The following NR1H4 variants were observed in gnomAD, a reference collection of about 807,000 sequenced individuals.
NR1H4 encodes the protein bile acid receptor.
Under a neutral mutation model 58.5 loss-of-function variants are expected in NR1H4, and 23 were observed. That is an observed-to-expected ratio of 0.39 (90% CI 0.28 to 0.56). The LOEUF is 0.56. NR1H4 is among the 20% of genes least tolerant of loss of function. NR1H4 has a pLI of 0.58. For synonymous variants in NR1H4, 214 were observed against 198.0 expected (o/e 1.08, Z -0.68); for missense variants, 487 against 576.9 (o/e 0.84, Z 1.60).
intron 9 of NR1H4, among the ~76,000 whole-genome samples, chr12:100,542,220 G>T (rs1410279872): frequency 6.6e-6 from 1 of 152,066 alleles, no homozygotes; most frequent in Non-Finnish European, 1.5e-5. Flanking sequence ...GGTAGTACGT[G>T]CCTGTAATCC....
chr12:100,504,104 G>A (rs925774787), intron 3 of NR1H4, among the ~76,000 whole-genome samples: 2 of 152,096 alleles, frequency 1.3e-5, no homozygotes, highest in Admixed American at 1.3e-4. Flanking sequence ...AATTAATGAA[G>A]TAGTTTCACA....
chr12:100,510,895 A>G lies in NR1H4; in HGVS notation c.197A>G (p.Tyr66Cys), dbSNP rs550267168. Residue 66 changes from tyrosine to cysteine, a missense_variant, in exon 4 of 11, where the codon TAT becomes TGT. By Grantham distance (194) the Tyr-to-Cys change is radical (BLOSUM62 -2). Coordinates refer to ENST00000392986, the MANE Select transcript of NR1H4 (RefSeq NM_001206979.2). Reference protein sequence around the residue: ...QVQPQISSSSYYSNLGFYPQQ... With the variant: ...QVQPQISSSSCYSNLGFYPQQ... The stretch of plus-strand genomic sequence containing the variant: ...CAACCACAGATTTCCTCGTCATCCT[A>G]TTATTCCAACCTGGGTTTCTACCCC... 1 of 1,614,152 alleles carries G rather than the reference A, an allele frequency of 6.2e-7. No homozygotes were observed. The highest frequency in any genetic ancestry group is 8.5e-7 in the Non-Finnish European group (1 of 1,180,032).
At chr12:100,555,659 CTA>C (rs1955306319) in intron 9 of NR1H4, among the ~76,000 whole-genome samples, 1 of 152,148 alleles carries the variant, frequency 6.6e-6, no homozygotes, top group Non-Finnish European at 1.5e-5. Context: ...TAAGCACTCT[CTA>C]TATATCTCAT....
At chr12:100,481,469 C>T (rs576603810) in intron 1 of NR1H4, among the ~76,000 whole-genome samples, 12 of 152,118 alleles carry the variant, frequency 7.9e-5, no homozygotes, top group Non-Finnish European at 1.8e-4. Flanking sequence ...GGGAAATTCG[C>T]GAGATTAATT....
intron 9 of NR1H4, among the ~76,000 whole-genome samples, chr12:100,558,107 T>C (rs186928737): frequency 2.7e-5 from 4 of 150,388 alleles, no homozygotes; most frequent in African/African-American, 9.8e-5. Context: ...ACGCCTATAA[T>C]CCCAGCACTT....
intron 3 of NR1H4, among the ~76,000 whole-genome samples, chr12:100,506,002 A>AACACACACACACACACAC (rs398020830): frequency 7.1e-6 from 1 of 141,028 alleles, no homozygotes; most frequent in Admixed American, 7.2e-5. Context: ...AAGTGTTTAT[A>AACACACACACACACACAC]ACACACACAC....
chr12:100,514,850 A>G (rs1346885817), intron 4 of NR1H4, among the ~76,000 whole-genome samples: 2 of 152,172 alleles, frequency 1.3e-5, no homozygotes, highest in Admixed American at 1.3e-4. Context: ...CATCTTTTAT[A>G]CACTGAAAAA....
At chr12:100,535,751 T>A (rs1262307158) in intron 6 of NR1H4, among the ~76,000 whole-genome samples, 1 of 152,224 alleles carries the variant, frequency 6.6e-6, no homozygotes, top group Non-Finnish European at 1.5e-5. Context: ...TATTTTGCCA[T>A]AGTGCTTCAT....
chr12:100,514,070 GGATGGCATCTTTTGAGGCCT>G (rs1340173717), intron 4 of NR1H4, among the ~76,000 whole-genome samples: 3 of 152,172 alleles, frequency 2.0e-5, no homozygotes, highest in African/African-American at 7.2e-5. Context: ...GAAGCTTATA[GGATGGCATCTTTTGAGGCCT>G]AATTCAAGAA....
intron 3 of NR1H4, among the ~76,000 whole-genome samples, chr12:100,504,584 A>G (rs1420231147): frequency 6.6e-6 from 1 of 152,230 alleles, no homozygotes; most frequent in Non-Finnish European, 1.5e-5. Context: ...AACAATCACA[A>G]AAGTATACAT....
chr12:100,496,090 T>C (rs1953709321), intron 3 of NR1H4, among the ~76,000 whole-genome samples: 1 of 152,198 alleles, frequency 6.6e-6, no homozygotes, highest in South Asian at 2.1e-4. Context: ...TGGAATAGTC[T>C]ATGGATAGCT....
At chr12:100,486,784 G>T (rs1953500768) in intron 1 of NR1H4, among the ~76,000 whole-genome samples, 1 of 151,366 alleles carries the variant, frequency 6.6e-6, no homozygotes, top group South Asian at 2.1e-4. Context: ...ATGGGTGAGG[G>T]AAAATGTACT....
At chr12:100,475,302 A>G (rs542164907) in intron 1 of NR1H4, among the ~76,000 whole-genome samples, 23 of 152,198 alleles carry the variant, frequency 1.5e-4, no homozygotes, top group African/African-American at 5.1e-4. Flanking sequence ...CAGTCCTCCA[A>G]ATTATGGATC....
At chr12:100,485,621 T>C (rs896157614) in intron 1 of NR1H4, among the ~76,000 whole-genome samples, 2 of 151,934 alleles carry the variant, frequency 1.3e-5, no homozygotes, top group African/African-American at 4.8e-5. Context: ...CAACCTCCAC[T>C]TCCTGGGTTC....
intron 7 of NR1H4, 132 bp downstream of exon 7, chr12:100,536,742 T>G: frequency 2.9e-6 from 2 of 696,498 alleles, no homozygotes; most frequent in South Asian, 3.6e-5. Context: ...AGTTAGACTT[T>G]TAAACTCTCA....
At position 100,492,001 on chromosome 12, in the gene NR1H4, T is replaced by G. The variant is rs1593046504; in HGVS notation, c.-189-502T>G. 3.3e-5 allele frequency among the ~76,000 whole-genome samples: 5 copies of G among 152,318 alleles called. 1 individual carries two copies. Among genetic ancestry groups the G allele is most frequent in the Admixed American group, 3.3e-4 (5 of 15,302 alleles). ...TTTCATGACAATATATAATTATCTA[T>G]GTATTTGGGTGATTATTTAATATTT... On this transcript the variant is annotated intron_variant, in intron 1 of 10. Coordinates refer to ENST00000392986, the MANE Select transcript of NR1H4 (RefSeq NM_001206979.2).
intron 4 of NR1H4, among the ~76,000 whole-genome samples, chr12:100,515,754 TGTGA>T (rs1232825132): frequency 1.3e-5 from 2 of 152,204 alleles, no homozygotes; most frequent in African/African-American, 4.8e-5. Flanking sequence ...GTAATGGCAA[TGTGA>T]GTGTTTTCTG....
chr12:100,542,269 C>A (rs1357339304), intron 9 of NR1H4, among the ~76,000 whole-genome samples: 3 of 152,112 alleles, frequency 2.0e-5, no homozygotes, highest in Admixed American at 6.5e-5. Flanking sequence ...ATTGCTTGAA[C>A]TTGGGAGATG....
At chr12:100,501,492 T>C (rs1314824409) in intron 3 of NR1H4, among the ~76,000 whole-genome samples, 13 of 152,108 alleles carry the variant, frequency 8.5e-5, no homozygotes, top group Admixed American at 8.5e-4. Flanking sequence ...AAGACCTGGG[T>C]TAAAGTCCCA....
Sources: allele counts gnomAD v4.1 joint callset (sites outside exome capture counted in the v4.1 genomes callset), GRCh38; gene constraint gnomAD v4.1.1; transcripts MANE v1.5; gene names NCBI Gene and HGNC (gene_info 2026-07-23, HGNC 2026-07-21).